Variants in TENM2 observed in about 807,000 individuals in gnomAD.
The protein encoded by TENM2 is teneurin-2.
In TENM2, 52 loss-of-function variants were observed where a neutral mutation model predicts 245.2. The observed-to-expected ratio is 0.21, with a 90% CI of 0.17 to 0.27. The LOEUF (loss-of-function observed/expected upper bound fraction) is 0.27. TENM2 is among the 10% of genes least tolerant of loss of function. TENM2 has a pLI of 1.00. For missense variants in TENM2, 3,046 were observed against 3,666.8 expected, an observed-to-expected ratio of 0.83 and a Z score of 4.37; for synonymous variants, 1,363 against 1,438.9, an observed-to-expected ratio of 0.95 and a Z score of 1.19.
intron 17 of TENM2, among the ~76,000 whole-genome samples, chr5:168,203,249 A>G (rs1239479584): frequency 6.6e-6 from 1 of 152,234 alleles, no homozygotes; most frequent in Non-Finnish European, 1.5e-5. Flanking sequence ...ATGAGCCAGT[A>G]CGATCCCAAA....
At chr5:167,594,673 A>T (rs1776083375) in intron 2 of TENM2, among the ~76,000 whole-genome samples, 1 of 152,172 alleles carries the variant, frequency 6.6e-6, no homozygotes, top group African/African-American at 2.4e-5. Flanking sequence ...ATTCTTTGTC[A>T]TTTATCTTTA....
chr5:167,292,595 G>A (rs775258561), intron 1 of TENM2, among the ~76,000 whole-genome samples: 28 of 152,208 alleles, frequency 1.8e-4, no homozygotes, highest in African/African-American at 2.6e-4. Context: ...TTTAAAACAC[G>A]GCCTTATTTT....
chr5:167,306,976 T>C (rs893414599), intron 1 of TENM2, among the ~76,000 whole-genome samples: 9 of 152,172 alleles, frequency 5.9e-5, no homozygotes, highest in Non-Finnish European at 2.9e-5. Context: ...ATGAAAGGGC[T>C]GGAAAGAGAA....
intron 27 of TENM2, among the ~76,000 whole-genome samples, chr5:168,252,607 G>A (rs1767215896): frequency 6.6e-6 from 1 of 151,918 alleles, no homozygotes; most frequent in Admixed American, 6.6e-5. Flanking sequence ...ACTTTGGGAG[G>A]CCGAGGCGGG....
chr5:167,321,823 G>GGA (rs1756762830), intron 1 of TENM2, among the ~76,000 whole-genome samples: 1 of 50,222 alleles, frequency 2.0e-5, no homozygotes, highest in African/African-American at 6.8e-5. Flanking sequence ...CGGGGGGGGG[G>GGA]GTGGATGGAG....
intron 9 of TENM2, among the ~76,000 whole-genome samples, chr5:168,100,930 A>AAG (rs1172506120): frequency 6.6e-6 from 1 of 151,660 alleles, no homozygotes; most frequent in East Asian, 1.9e-4. Flanking sequence ...TAATTAAAAA[A>AAG]AAAAAAAAAA....
chr5:168,212,190 A>C (rs1211905419), intron 20 of TENM2, among the ~76,000 whole-genome samples: 1 of 152,052 alleles, frequency 6.6e-6, no homozygotes, highest in Non-Finnish European at 1.5e-5. Context: ...CATCTTTAAA[A>C]AAAAAAAAAA....
intron 2 of TENM2, among the ~76,000 whole-genome samples, chr5:167,729,798 G>A (rs1434089180): frequency 2.0e-5 from 3 of 152,184 alleles, no homozygotes. Context: ...TAGAAAATCA[G>A]GATAGTTCTC....
At chr5:167,702,570 A>T (rs1401327460) in intron 2 of TENM2, among the ~76,000 whole-genome samples, 1 of 146,422 alleles carries the variant, frequency 6.8e-6, no homozygotes, top group Non-Finnish European at 1.5e-5. Flanking sequence ...ATATATATAT[A>T]TACATATATA....
the TENM2 span, among the ~76,000 whole-genome samples, chr5:167,154,652 C>A: frequency 6.6e-6 from 1 of 152,118 alleles, no homozygotes; most frequent in African/African-American, 2.4e-5. Context: ...CCTGCAAATG[C>A]AAATCTACAA....
chr5:167,366,039 A>C (rs189271270), intron 1 of TENM2, among the ~76,000 whole-genome samples: 4 of 152,186 alleles, frequency 2.6e-5, no homozygotes, highest in Admixed American at 2.6e-4. Context: ...GTAGAAATTG[A>C]TAAACTAAAA....
intron 2 of TENM2, among the ~76,000 whole-genome samples, chr5:167,703,627 G>A (rs1271975687): frequency 6.6e-6 from 1 of 151,730 alleles, no homozygotes; most frequent in African/African-American, 2.4e-5. Flanking sequence ...CTCTCCGTAG[G>A]ATTACTTTAT....
At chr5:168,031,046 A>G (rs1050869390) in intron 5 of TENM2, among the ~76,000 whole-genome samples, 1 of 151,858 alleles carries the variant, frequency 6.6e-6, no homozygotes, top group Non-Finnish European at 1.5e-5. Context: ...GCACCCCCCG[A>G]CCACTGCTTA....
chr5:167,378,682 A>G (rs899854235), intron 2 of TENM2, among the ~76,000 whole-genome samples: 8 of 152,110 alleles, frequency 5.3e-5, no homozygotes, highest in African/African-American at 1.9e-4. Flanking sequence ...TGTCCCACTT[A>G]AAATATGTCC....
At chr5:167,345,843 T>C (rs10072690) in intron 1 of TENM2, among the ~76,000 whole-genome samples, 8 of 145,498 alleles carry the variant, frequency 5.5e-5, no homozygotes, top group African/African-American at 2.0e-4. Context: ...TATCTCTGAA[T>C]ATAATCTGAT....
chr5:167,640,425 C>T (rs1779478666), intron 2 of TENM2, among the ~76,000 whole-genome samples: 1 of 152,036 alleles, frequency 6.6e-6, no homozygotes, highest in Non-Finnish European at 1.5e-5. Flanking sequence ...CAAGACCAGC[C>T]TGGCCAACAT....
intron 8 of TENM2, among the ~76,000 whole-genome samples, chr5:168,091,772 G>T (rs1792966227): frequency 6.6e-6 from 1 of 152,202 alleles, no homozygotes; most frequent in Non-Finnish European, 1.5e-5. Flanking sequence ...TTTAGCTGTA[G>T]ATCTCAAGAT....
intron 3 of TENM2, among the ~76,000 whole-genome samples, chr5:167,925,576 C>T (rs762762753): frequency 4.6e-5 from 7 of 152,178 alleles, no homozygotes; most frequent in Non-Finnish European, 1.5e-5. Flanking sequence ...AGCAGAATTA[C>T]CATTCAAGCC....
At chr5:168,022,039 A>C (rs1362941350) in intron 5 of TENM2, among the ~76,000 whole-genome samples, 2 of 152,250 alleles carry the variant, frequency 1.3e-5, no homozygotes, top group Admixed American at 1.3e-4. Context: ...AGTGTGATAT[A>C]ACAATTAAGT....
Sources: allele counts gnomAD v4.1 joint callset (sites outside exome capture counted in the v4.1 genomes callset), GRCh38; gene constraint gnomAD v4.1.1; transcripts MANE v1.5; gene names NCBI Gene and HGNC (gene_info 2026-07-23, HGNC 2026-07-21).